Variants in LSAMP observed in about 807,000 individuals in gnomAD.
LSAMP encodes limbic system associated membrane protein, also known as limbic system-associated membrane protein.
LSAMP carries 7 observed loss-of-function variants against 38.6 expected under a neutral mutation model. The observed-to-expected ratio is 0.18, with a 90% confidence interval of 0.10 to 0.34. LSAMP has a LOEUF of 0.34. Among genes scored for constraint, LSAMP ranks in the 10% least tolerant of loss-of-function variants. The pLI is 1.00. For missense variants in LSAMP, 313 were observed against 420.0 expected (o/e 0.75, Z 2.23); for synonymous variants, 154 against 166.8 (o/e 0.92, Z 0.59).
At chr3:116,408,583 T>C (rs955963360) in intron 1 of LSAMP, among the ~76,000 whole-genome samples, 1 of 152,048 alleles carries the variant, frequency 6.6e-6, no homozygotes, top group Admixed American at 6.6e-5. Context: ...GTCTTAACTA[T>C]GGGCAGAGTA....
At chr3:116,138,823 C>CT (rs36060209) in intron 1 of LSAMP, among the ~76,000 whole-genome samples, 79,073 of 146,620 alleles carry the variant, frequency 0.54, 21,962 homozygotes, top group East Asian at 0.74. Flanking sequence ...CGTAAATTGA[C>CT]TTTTTTTTTT....
At chr3:116,034,579 C>G (rs59681834) in intron 2 of LSAMP, among the ~76,000 whole-genome samples, 1 of 152,044 alleles carries the variant, frequency 6.6e-6, no homozygotes, top group African/African-American at 2.4e-5. Context: ...AGGGAGTTAA[C>G]GAATCTTCAA....
At chr3:116,070,460 A>G (rs1168238667) in intron 2 of LSAMP, among the ~76,000 whole-genome samples, 1 of 152,248 alleles carries the variant, frequency 6.6e-6, no homozygotes, top group Non-Finnish European at 1.5e-5. Flanking sequence ...AATTCTGGAT[A>G]CCAGTAAAGT....
chr3:116,427,983 T>C (rs1310306755), intron 1 of LSAMP, among the ~76,000 whole-genome samples: 1 of 152,236 alleles, frequency 6.6e-6, no homozygotes, highest in Non-Finnish European at 1.5e-5. Flanking sequence ...ATTTAGTCAA[T>C]GAAATTAATC....
At chr3:115,882,682 A>G (rs944258884) in intron 3 of LSAMP, among the ~76,000 whole-genome samples, 2 of 152,094 alleles carry the variant, frequency 1.3e-5, no homozygotes, top group Admixed American at 6.6e-5. Flanking sequence ...ATGAATTTTC[A>G]TATGTCACAT....
intron 1 of LSAMP, among the ~76,000 whole-genome samples, chr3:116,380,178 C>T (rs918795581): frequency 6.6e-6 from 1 of 151,992 alleles, no homozygotes; most frequent in African/African-American, 2.4e-5. Context: ...GCATGTACCT[C>T]TTGGGTTGCT....
intron 1 of LSAMP, among the ~76,000 whole-genome samples, chr3:116,373,202 G>A (rs1472672091): frequency 2.0e-5 from 3 of 150,974 alleles, no homozygotes; most frequent in Non-Finnish European, 4.4e-5. Context: ...AGCAAAACGT[G>A]TTTTTTATAT....
intron 1 of LSAMP, among the ~76,000 whole-genome samples, chr3:116,392,748 TGG>T (rs2048720485): frequency 6.6e-6 from 1 of 152,172 alleles, no homozygotes; most frequent in Non-Finnish European, 1.5e-5. Flanking sequence ...TGGTCACCCA[TGG>T]ACCAATCAGC....
intron 1 of LSAMP, among the ~76,000 whole-genome samples, chr3:116,267,226 T>C (rs77663796): frequency 0.031 from 4,763 of 152,168 alleles, 252 homozygotes; most frequent in African/African-American, 0.11. Context: ...GAAATAAAAA[T>C]GAACAATGGA....
intron 1 of LSAMP, among the ~76,000 whole-genome samples, chr3:116,398,108 C>T (rs532959661): frequency 2.8e-4 from 43 of 152,022 alleles, no homozygotes; most frequent in African/African-American, 9.7e-4. Context: ...CCAAAGTTTA[C>T]TCTCTGTTGC....
chr3:116,178,220 G>A (rs564463888), intron 1 of LSAMP, among the ~76,000 whole-genome samples: 4 of 152,106 alleles, frequency 2.6e-5, no homozygotes, highest in South Asian at 2.1e-4. Flanking sequence ...AGGCTGGAGT[G>A]TAATGGCACA....
chr3:116,356,968 T>A (rs552005135), intron 1 of LSAMP, among the ~76,000 whole-genome samples: 1 of 152,276 alleles, frequency 6.6e-6, no homozygotes, highest in East Asian at 1.9e-4. Context: ...TAATTTTTTG[T>A]ATTTTTAGTA....
At chr3:115,877,071 A>G (rs1936200259) in intron 3 of LSAMP, among the ~76,000 whole-genome samples, 1 of 152,154 alleles carries the variant, frequency 6.6e-6, no homozygotes, top group South Asian at 2.1e-4. Flanking sequence ...AACATTTAAA[A>G]TCAACAGTTG....
intron 1 of LSAMP, among the ~76,000 whole-genome samples, chr3:116,443,648 A>T (rs1036165211): frequency 6.6e-6 from 1 of 152,288 alleles, no homozygotes; most frequent in African/African-American, 2.4e-5. Flanking sequence ...GGGTTTATGC[A>T]CTATCAGCTC....
At chr3:116,189,718 T>C (rs997439829) in intron 1 of LSAMP, among the ~76,000 whole-genome samples, 2 of 152,176 alleles carry the variant, frequency 1.3e-5, no homozygotes, top group Non-Finnish European at 2.9e-5. Flanking sequence ...TCCCCCTTTT[T>C]AATAATTGCA....
intron 3 of LSAMP, among the ~76,000 whole-genome samples, chr3:115,853,192 T>C (rs1935387066): frequency 6.6e-6 from 1 of 152,240 alleles, no homozygotes; most frequent in African/African-American, 2.4e-5. Context: ...CAAAGTGGCT[T>C]CCTTTTGAGA....
chr3:115,938,302 C>G (rs1359307687), intron 3 of LSAMP, among the ~76,000 whole-genome samples: 1 of 152,146 alleles, frequency 6.6e-6, no homozygotes, highest in Non-Finnish European at 1.5e-5. Context: ...TCATTGTACA[C>G]TCATTTGCCT....
At chr3:116,260,913 C>T (rs2046818198) in intron 1 of LSAMP, among the ~76,000 whole-genome samples, 1 of 152,110 alleles carries the variant, frequency 6.6e-6, no homozygotes, top group Admixed American at 6.6e-5. Context: ...GAGGTGCAGG[C>T]AGAGATAGAG....
chr3:116,021,818 T>G (rs1318752729), intron 2 of LSAMP, among the ~76,000 whole-genome samples: 1 of 151,982 alleles, frequency 6.6e-6, no homozygotes, highest in Non-Finnish European at 1.5e-5. Flanking sequence ...TCTCGGTGTT[T>G]TTTTTTTAAA....
Sources: allele counts gnomAD v4.1 joint callset (sites outside exome capture counted in the v4.1 genomes callset), GRCh38; gene constraint gnomAD v4.1.1; transcripts MANE v1.5; gene names NCBI Gene and HGNC (gene_info 2026-07-23, HGNC 2026-07-21).